DACH2: variants seen among roughly 807,000 people sequenced by gnomAD.
DACH2 encodes dachshund homolog 2.
A neutral mutation model predicts 35.8 loss-of-function variants in DACH2; 17 were observed. That is an observed-to-expected ratio of 0.48 (90% CI 0.33 to 0.71). DACH2 has a LOEUF of 0.71. Among genes scored for constraint, DACH2 ranks in the 30% least tolerant of loss-of-function variants. The probability of loss-of-function intolerance (pLI) is 0.02; values close to 1 mark genes in which losing one functional copy is unlikely to be tolerated. For synonymous variants in DACH2, 195 were observed against 177.3 expected, an observed-to-expected ratio of 1.10 and a Z score of -0.79; for missense variants, 469 against 472.7, an observed-to-expected ratio of 0.99 and a Z score of 0.07.
chrX:86,802,427 A>G (rs185379510), intron 7 of DACH2, among the ~76,000 whole-genome samples: 6 of 109,857 alleles, frequency 5.5e-5, no homozygotes, highest in African/African-American at 1.0e-4. Context: ...CAAATATGAA[A>G]GCAGTGATTT....
intron 7 of DACH2, among the ~76,000 whole-genome samples, chrX:86,753,966 C>T (rs1484024943): frequency 1.9e-5 from 2 of 108,002 alleles, no homozygotes; most frequent in Non-Finnish European, 3.8e-5. Flanking sequence ...TGTTCAAACA[C>T]ACAAGGAATC....
chrX:86,238,640 CT>C (rs1214381197), intron 1 of DACH2, among the ~76,000 whole-genome samples: 1 of 110,779 alleles, frequency 9.0e-6, no homozygotes, highest in African/African-American at 3.3e-5. Context: ...AATAAAATTG[CT>C]CTCTGCCTCT....
chrX:86,317,108 C>T (rs2034926163), intron 1 of DACH2, among the ~76,000 whole-genome samples: 1 of 73,506 alleles, frequency 1.4e-5, no homozygotes, highest in Admixed American at 1.7e-4. Context: ...CAGAGTGAGA[C>T]TCCATCTCAA....
chrX:86,310,956 G>T (rs1227000764), intron 1 of DACH2, among the ~76,000 whole-genome samples: 1 of 111,328 alleles, frequency 9.0e-6, no homozygotes, highest in Non-Finnish European at 1.9e-5. Flanking sequence ...TGGCAGGGAT[G>T]GAGGTTATGC....
intron 1 of DACH2, among the ~76,000 whole-genome samples, chrX:86,150,548 T>G (rs138384034): frequency 0.011 from 1,206 of 111,852 alleles, 9 homozygotes; most frequent in African/African-American, 0.037. Context: ...AGTGTTTTTC[T>G]GTGTTCAAGC....
chrX:86,812,073 A>C (rs780297902), intron 7 of DACH2, among the ~76,000 whole-genome samples: 1 of 112,106 alleles, frequency 8.9e-6, no homozygotes, highest in Non-Finnish European at 1.9e-5. Context: ...TCAACTAGAA[A>C]ATGTTTAAAC....
At chrX:86,402,413 A>T (rs961546621) in intron 2 of DACH2, among the ~76,000 whole-genome samples, 5 of 111,947 alleles carry the variant, frequency 4.5e-5, no homozygotes, top group Non-Finnish European at 9.4e-5. Flanking sequence ...CAAATCAGGA[A>T]CATGATCCCA....
rs761086874 is a variant in DACH2, at chrX:86,514,459, T to C, written c.640+68T>C. On this transcript the variant is annotated intron_variant, in intron 3 of 11. Coordinates refer to ENST00000373125, the MANE Select transcript of DACH2 (RefSeq NM_053281.3). ...GCCCAGCATTTGAAATAAACCAATA[T>C]TGATCTAACTGCCTTGTCCTTCAGA... 173 of 937,800 alleles carry C rather than the reference T, an allele frequency of 1.8e-4. No homozygotes were observed. In the African/African-American group the frequency reaches 2.8e-3, roughly 15 times the overall value. The allele number at this position is 937,800 out of a possible 1,213,427, so 77.3% of individuals were successfully genotyped here. A position where few individuals can be genotyped will look rare whatever the true frequency, so the allele number is the denominator to read the frequency against.
In DACH2 at chrX:86,629,271, C is replaced by G. The variant is rs149765208; in HGVS notation, c.641-21765C>G. On this transcript the variant is annotated intron_variant, in intron 3 of 11. Coordinates refer to ENST00000373125, the MANE Select transcript of DACH2 (RefSeq NM_053281.3). ...GCCTCTAGTCCATATCTAATGCACA[C>G]TCTCTCCTAGAGTCACAATGGTATT... Among the ~76,000 whole-genome samples the G allele has an allele frequency of 5.8e-3, 645 of 111,289 alleles. 3 individuals carry two copies. Among genetic ancestry groups the G allele is most frequent in the African/African-American group, 0.02 (622 of 30,597 alleles).
At chrX:86,729,999 A>G (rs1442097019) in intron 6 of DACH2, among the ~76,000 whole-genome samples, 1 of 110,006 alleles carries the variant, frequency 9.1e-6, no homozygotes, top group Non-Finnish European at 1.9e-5. Context: ...CTTTTGCCAT[A>G]TCGTTTTTAA....
At chrX:86,696,969 G>T (rs866588101) in intron 5 of DACH2, among the ~76,000 whole-genome samples, 1 of 111,707 alleles carries the variant, frequency 9.0e-6, no homozygotes, top group African/African-American at 3.2e-5. Flanking sequence ...AAACTACTTG[G>T]TTTTGCTAGA....
At chrX:86,296,336 GCGCCACTGCACTCCTGC>G (rs1361696460) in intron 1 of DACH2, among the ~76,000 whole-genome samples, 3 of 96,453 alleles carry the variant, frequency 3.1e-5, no homozygotes, top group African/African-American at 1.2e-4. Context: ...AGCCGAGATT[GCGCCACTGCACTCCTGC>G]CTGGGCCACA....
intron 4 of DACH2, among the ~76,000 whole-genome samples, chrX:86,667,959 C>T (rs1423308429): frequency 1.8e-5 from 2 of 111,963 alleles, no homozygotes; most frequent in African/African-American, 3.2e-5. Context: ...GATTCATTAA[C>T]GTTAATGAGA....
At chrX:86,225,808 A>G (rs1446534796) in intron 1 of DACH2, among the ~76,000 whole-genome samples, 1 of 111,440 alleles carries the variant, frequency 9.0e-6, no homozygotes, top group Non-Finnish European at 1.9e-5. Context: ...CTTTGAAGGC[A>G]CAATAGCCAT....
intron 1 of DACH2, among the ~76,000 whole-genome samples, chrX:86,314,885 G>A (rs1163459674): frequency 7.1e-5 from 8 of 112,229 alleles, no homozygotes; most frequent in African/African-American, 2.6e-4. Context: ...GAGGACTTAA[G>A]GAAAGAAGCT....
chrX:86,815,510 C>T (rs2042438866), intron 10 of DACH2, among the ~76,000 whole-genome samples: 2 of 108,448 alleles, frequency 1.8e-5, no homozygotes, highest in African/African-American at 6.7e-5. Context: ...AACATTTGTC[C>T]CTAGAGCCAG....
intron 2 of DACH2, among the ~76,000 whole-genome samples, chrX:86,474,606 T>C (rs1354025531): frequency 2.7e-5 from 3 of 112,501 alleles, no homozygotes; most frequent in African/African-American, 9.7e-5. Flanking sequence ...GCACTATTAT[T>C]TGAACTACCT....
At chrX:86,725,093 C>T (rs1429933502) in intron 6 of DACH2, among the ~76,000 whole-genome samples, 1 of 108,280 alleles carries the variant, frequency 9.2e-6, no homozygotes, top group Non-Finnish European at 1.9e-5. Flanking sequence ...AATTGATTCT[C>T]CAATTTATTT....
At chrX:86,699,596 T>C (rs1161104769) in intron 5 of DACH2, among the ~76,000 whole-genome samples, 1 of 111,316 alleles carries the variant, frequency 9.0e-6, no homozygotes, top group East Asian at 2.8e-4. Flanking sequence ...CCAAAACATA[T>C]GGGAATTATG....
Sources: allele counts gnomAD v4.1 joint callset (sites outside exome capture counted in the v4.1 genomes callset), GRCh38; gene constraint gnomAD v4.1.1; transcripts MANE v1.5; gene names NCBI Gene and HGNC (gene_info 2026-07-23, HGNC 2026-07-21).